ATE1: variants seen among roughly 807,000 people sequenced by gnomAD.
ATE1 encodes arginyltransferase 1.
In ATE1, 36 loss-of-function variants were observed where a neutral mutation model predicts 70.5. The ratio of observed to expected loss-of-function variants is 0.51; its 90% CI spans 0.39 to 0.67. The LOEUF is 0.67. ATE1 is among the 30% of genes least tolerant of loss of function. The pLI is 0.00. For missense variants in ATE1, 593 were observed against 629.5 expected (o/e 0.94, Z 0.62); for synonymous variants, 232 against 219.3 (o/e 1.06, Z -0.51).
At chr10:121,831,475 C>T (rs1017706696) in intron 10 of ATE1, among the ~76,000 whole-genome samples, 19 of 152,180 alleles carry the variant, frequency 1.2e-4, no homozygotes, top group Admixed American at 6.5e-4. Flanking sequence ...CCTCTGCACT[C>T]GTGTCCTGCT....
intron 7 of ATE1, among the ~76,000 whole-genome samples, chr10:121,890,037 T>C (rs561747414): frequency 9.2e-5 from 14 of 152,346 alleles, no homozygotes; most frequent in African/African-American, 3.4e-4. Context: ...CCTAACAAAG[T>C]TGTTAACAAC....
intron 10 of ATE1, among the ~76,000 whole-genome samples, chr10:121,802,620 T>C (rs890671830): frequency 6.6e-6 from 1 of 152,078 alleles, no homozygotes; most frequent in Non-Finnish European, 1.5e-5. Context: ...CTACTCCGTT[T>C]TTGAGACCCA....
intron 10 of ATE1, among the ~76,000 whole-genome samples, chr10:121,823,655 A>C (rs1327223844): frequency 6.6e-6 from 1 of 152,168 alleles, no homozygotes; most frequent in Non-Finnish European, 1.5e-5. Context: ...ATTTTCTAGA[A>C]AGCTCCACAG....
At chr10:121,746,757 CA>C (rs11318828) in intron 11 of ATE1, among the ~76,000 whole-genome samples, 98,668 of 147,054 alleles carry the variant, frequency 0.67, 32,473 homozygotes, top group South Asian at 0.8. Context: ...GTAATTGTAG[CA>C]AAAAAAAAAA....
At chr10:121,923,168 G>A (rs1951948433) in intron 2 of ATE1, among the ~76,000 whole-genome samples, 1 of 152,020 alleles carries the variant, frequency 6.6e-6, no homozygotes, top group African/African-American at 2.4e-5. Flanking sequence ...ATCCTTCCAT[G>A]ACTGCCTTCT....
intron 10 of ATE1, among the ~76,000 whole-genome samples, chr10:121,813,811 A>G (rs528004377): frequency 2.0e-4 from 31 of 152,266 alleles, no homozygotes; most frequent in African/African-American, 7.2e-4. Flanking sequence ...TCCCCTTCCC[A>G]GCTCCCTGCT....
At chr10:121,834,648 A>T (rs954077728) in intron 10 of ATE1, among the ~76,000 whole-genome samples, 12 of 152,182 alleles carry the variant, frequency 7.9e-5, no homozygotes, top group Admixed American at 2.0e-4. Context: ...AGGTGTCAGC[A>T]AAACATCTTC....
intron 6 of ATE1, among the ~76,000 whole-genome samples, chr10:121,901,464 T>G (rs1043874643): frequency 6.6e-6 from 1 of 152,158 alleles, no homozygotes; most frequent in Non-Finnish European, 1.5e-5. Flanking sequence ...CTAATGTTTT[T>G]GAATTTTTTT....
intron 8 of ATE1, among the ~76,000 whole-genome samples, chr10:121,858,828 G>A (rs1465594127): frequency 2.0e-5 from 3 of 151,858 alleles, no homozygotes; most frequent in African/African-American, 7.3e-5. Flanking sequence ...GGGCGCGGTG[G>A]CTCACGCCTG....
At chr10:121,893,226 A>G (rs546946738) in intron 7 of ATE1, among the ~76,000 whole-genome samples, 4 of 151,212 alleles carry the variant, frequency 2.6e-5, no homozygotes, top group Non-Finnish European at 5.9e-5. Context: ...GCAGTGAGCC[A>G]AGATCACGCC....
chr10:121,778,391 CTA>C (rs1945831982), intron 11 of ATE1, among the ~76,000 whole-genome samples: 1 of 152,112 alleles, frequency 6.6e-6, no homozygotes, highest in Non-Finnish European at 1.5e-5. Flanking sequence ...GAACTGTATT[CTA>C]TTTATTCTCC....
At chr10:121,797,091 A>G (rs1946687545) in intron 10 of ATE1, among the ~76,000 whole-genome samples, 1 of 152,242 alleles carries the variant, frequency 6.6e-6, no homozygotes, top group Non-Finnish European at 1.5e-5. Context: ...AAAAGGACAT[A>G]TGTACGTGGA....
chr10:121,795,539 A>G (rs1207132357), intron 10 of ATE1, among the ~76,000 whole-genome samples: 2 of 152,172 alleles, frequency 1.3e-5, no homozygotes, highest in Non-Finnish European at 1.5e-5. Context: ...CTCTTTAAAT[A>G]CTCAGTTTAT....
chr10:121,756,675 C>T (rs1188951679), intron 11 of ATE1, among the ~76,000 whole-genome samples: 2 of 152,192 alleles, frequency 1.3e-5, no homozygotes, highest in African/African-American at 2.4e-5. Context: ...GGGCTTCTAC[C>T]CACTGAAGCA....
intron 10 of ATE1, among the ~76,000 whole-genome samples, chr10:121,825,052 AAATT>A (rs1471856307): frequency 6.6e-5 from 10 of 151,840 alleles, no homozygotes; most frequent in Admixed American, 1.3e-4. Flanking sequence ...TTGAGATGTG[AAATT>A]AATACAGTAA....
chr10:121,864,629 C>A (rs757809083), intron 8 of ATE1, among the ~76,000 whole-genome samples: 11 of 152,170 alleles, frequency 7.2e-5, no homozygotes, highest in Non-Finnish European at 1.3e-4. Flanking sequence ...TTTAAGTGGG[C>A]CATCTTGCTA....
chr10:121,920,970 G>A (rs564773236), intron 3 of ATE1, among the ~76,000 whole-genome samples: 2 of 151,348 alleles, frequency 1.3e-5, no homozygotes, highest in Non-Finnish European at 2.9e-5. Context: ...CTCCAGCCCA[G>A]GCGACAGTGC....
At chr10:121,862,227 C>T (rs1590544476) in intron 8 of ATE1, among the ~76,000 whole-genome samples, 2 of 152,320 alleles carry the variant, frequency 1.3e-5, no homozygotes, top group Non-Finnish European at 2.9e-5. Flanking sequence ...CACCTCATCC[C>T]TTTACTGCTG....
intron 3 of ATE1, among the ~76,000 whole-genome samples, chr10:121,918,894 C>T (rs976615061): frequency 7.2e-5 from 11 of 152,182 alleles, no homozygotes; most frequent in African/African-American, 2.2e-4. Flanking sequence ...GATTGTAAAA[C>T]GCCCCAATCG....
Sources: allele counts gnomAD v4.1 joint callset (sites outside exome capture counted in the v4.1 genomes callset), GRCh38; gene constraint gnomAD v4.1.1; transcripts MANE v1.5; gene names NCBI Gene and HGNC (gene_info 2026-07-23, HGNC 2026-07-21).